HEATR5B: variants seen among roughly 807,000 people sequenced by gnomAD.
HEATR5B encodes the protein HEAT repeat-containing protein 5B.
In HEATR5B, 156 loss-of-function variants were observed where a neutral mutation model predicts 224.1. The ratio of observed to expected loss-of-function variants is 0.70; its 90% CI spans 0.61 to 0.80. The LOEUF is 0.80. HEATR5B is among the 30% of genes least tolerant of loss of function. The pLI is 0.00. For synonymous variants in HEATR5B, 1,027 were observed against 893.0 expected (o/e 1.15, Z -2.68); for missense variants, 2,323 against 2,535.5 (o/e 0.92, Z 1.80).
At chr2:37,001,476 G>A (rs774044615) in intron 32 of HEATR5B, among the ~76,000 whole-genome samples, 1 of 152,028 alleles carries the variant, frequency 6.6e-6, no homozygotes, top group South Asian at 2.1e-4. Context: ...TCCGTGAGTT[G>A]AGCTGAAATT....
intron 18 of HEATR5B, 48 bp downstream of exon 18, chr2:37,049,605 G>C: frequency 1.4e-6 from 2 of 1,460,566 alleles, no homozygotes; most frequent in South Asian, 1.2e-5. Flanking sequence ...TTATTTAAAA[G>C]ACATCTTTGC....
At position 37,065,993 on chromosome 2, in the gene HEATR5B, G is replaced by A. The variant is rs1671565845; in HGVS notation, c.1178-83C>T. On this transcript the variant is annotated intron_variant, in intron 8 of 35. Coordinates refer to ENST00000233099, the MANE Select transcript of HEATR5B (RefSeq NM_019024.3). ...TTGGTCTATACAATTTATGATTTTA[G>A]CCATACCAGTTGATGTCCGAGTGTT... 4 of 1,255,970 alleles carry A rather than the reference G, an allele frequency of 3.2e-6. No individual in the cohort carries two copies. The Admixed American group carries it at 6.8e-5, about 21-fold the overall frequency. 77.8% of individuals were successfully genotyped at this position (1,255,970 alleles called of 1,614,324 possible). A position where few individuals can be genotyped will look rare whatever the true frequency, so the allele number is the denominator to read the frequency against.
In HEATR5B at chr2:37,032,616, T is replaced by A. The variant is rs377742046; in HGVS notation, c.3361+13A>T. On this transcript the variant is annotated intron_variant, in intron 22 of 35. Coordinates refer to ENST00000233099, the MANE Select transcript of HEATR5B (RefSeq NM_019024.3). Reference sequence around the variant, plus strand: ...TTAAACAAAAAACAATATTGACCAATAATATAACTTACTGGCACTACTGCT... The same window carrying A: ...TTAAACAAAAAACAATATTGACCAAAAATATAACTTACTGGCACTACTGCT... 1 of 1,602,306 alleles carries A rather than the reference T, an allele frequency of 6.2e-7. No individual in the cohort carries two copies. Among genetic ancestry groups the A allele is most frequent in the Non-Finnish European group, 8.5e-7 (1 of 1,175,554 alleles).
At chr2:37,071,064 A>C (rs1473834633) in intron 6 of HEATR5B, among the ~76,000 whole-genome samples, 1 of 152,214 alleles carries the variant, frequency 6.6e-6, no homozygotes, top group Non-Finnish European at 1.5e-5. Context: ...AAGGGCTTTT[A>C]TGAGGATTAA....
At chr2:36,985,488 C>T (rs1665887905) in intron 35 of HEATR5B, among the ~76,000 whole-genome samples, 2 of 138,960 alleles carry the variant, frequency 1.4e-5, no homozygotes, top group Admixed American at 7.6e-5. Context: ...GACAGAGTCT[C>T]ACTCTGTTGC....
chr2:36,985,352 C>T (rs907093791), intron 35 of HEATR5B, among the ~76,000 whole-genome samples: 1 of 151,810 alleles, frequency 6.6e-6, no homozygotes, highest in Non-Finnish European at 1.5e-5. Context: ...AGGCAAACTG[C>T]TTATTCTACC....
intron 30 of HEATR5B, among the ~76,000 whole-genome samples, chr2:37,004,287 A>T (rs1291346088): frequency 6.6e-6 from 1 of 151,552 alleles, no homozygotes. Context: ...ATCTGAGGTT[A>T]ATCTTTCCTT....
chr2:37,037,809 T>C, intron 21 of HEATR5B, 46 bp downstream of exon 21: 1 of 1,359,748 alleles, frequency 7.4e-7, no homozygotes, highest in South Asian at 2.1e-5. Flanking sequence ...AAATGTAAAA[T>C]AAAATACAAC....
intron 18 of HEATR5B, among the ~76,000 whole-genome samples, chr2:37,048,494 T>C (rs1356217898): frequency 6.6e-6 from 1 of 150,638 alleles, no homozygotes; most frequent in Non-Finnish European, 1.5e-5. Flanking sequence ...CAAGGACACA[T>C]AAACTAAAAC....
chr2:37,015,195 G>C (rs1668039697), intron 26 of HEATR5B, among the ~76,000 whole-genome samples: 1 of 152,182 alleles, frequency 6.6e-6, no homozygotes, highest in Non-Finnish European at 1.5e-5. Flanking sequence ...ATGAGGAAGA[G>C]ATGTGATTAG....
At chr2:37,072,326 C>T (rs774906836) in intron 5 of HEATR5B, 45 bp from the exon 6 acceptor site, 1 of 1,381,002 alleles carries the variant, frequency 7.2e-7, no homozygotes, top group South Asian at 1.3e-5. Context: ...ATAACATCTG[C>T]TTCCAGAGAT....
intron 18 of HEATR5B, among the ~76,000 whole-genome samples, chr2:37,041,662 C>T (rs1158175783): frequency 6.6e-6 from 1 of 152,082 alleles, no homozygotes; most frequent in Non-Finnish European, 1.5e-5. Flanking sequence ...GAGAGGACTG[C>T]TTGAGCCTGA....
chr2:37,046,190 A>T (rs1558338827), intron 18 of HEATR5B, among the ~76,000 whole-genome samples: 1 of 152,370 alleles, frequency 6.6e-6, no homozygotes, highest in East Asian at 1.9e-4. Context: ...GCACCAATAC[A>T]GTCAATTACT....
chr2:37,044,266 T>C (rs1670050989), intron 18 of HEATR5B, among the ~76,000 whole-genome samples: 1 of 152,182 alleles, frequency 6.6e-6, no homozygotes, highest in African/African-American at 2.4e-5. Context: ...TTAGGTCCCT[T>C]TGTTGTCATA....
Position 37,015,772 on chromosome 2 carries a change from A to C in HEATR5B, c.4105-1752T>G, listed in dbSNP as rs967743319. ...ACTTGTGGAAAGATATTCAGCAGGC[A>C]ATTAAAAACTTGGGTCTGGATTTCA... On this transcript the variant is annotated intron_variant, in intron 26 of 35. Coordinates refer to ENST00000233099, the MANE Select transcript of HEATR5B (RefSeq NM_019024.3). 5.9e-5 allele frequency among the ~76,000 whole-genome samples: 9 copies of C among 152,226 alleles called. No homozygotes were observed. The South Asian group carries it at 1.9e-3, about 31-fold the overall frequency.
intron 29 of HEATR5B, among the ~76,000 whole-genome samples, chr2:37,006,151 T>C (rs1667401139): frequency 6.6e-6 from 1 of 152,236 alleles, no homozygotes; most frequent in Non-Finnish European, 1.5e-5. Context: ...TGGCAAGTTA[T>C]AGAGGCACAA....
Position 37,005,769 on chromosome 2 carries a change from A to G in HEATR5B, c.4778-10T>C. 6.4e-7 allele frequency: 1 copy of G among 1,558,344 alleles called. No homozygotes were observed. Among genetic ancestry groups the G allele is most frequent in the Middle Eastern group, 1.7e-4 (1 of 5,786 alleles). ...AACTGTATACTCACACCTGAAATGC[A>G]CAAAATAAAAACATGTTTTTTCACT... is the stretch of plus-strand genomic sequence containing the variant. On this transcript the variant is annotated splice_polypyrimidine_tract_variant and intron_variant, in intron 29 of 35. Coordinates refer to ENST00000233099, the MANE Select transcript of HEATR5B (RefSeq NM_019024.3).
rs1344876835 is a variant in HEATR5B at position 37,051,974 on chromosome 2, A to G, written c.2505+1528T>C. On this transcript the variant is annotated intron_variant, in intron 17 of 35. Transcript: ENST00000233099. Reference sequence around the variant, plus strand: ...AGGCTGGTCTCAAACTCCTGACCTCAGGTGATCCCCCCGCCTCGGCCTCCC... The same window carrying G: ...AGGCTGGTCTCAAACTCCTGACCTCGGGTGATCCCCCCGCCTCGGCCTCCC... 2.6e-5 allele frequency among the ~76,000 whole-genome samples: 4 copies of G among 152,126 alleles called. No homozygotes were observed. In the East Asian group the frequency reaches 5.8e-4, roughly 22 times the overall value.
In HEATR5B at chr2:37,031,438, T is replaced by C. The variant is rs200664372; in HGVS notation, c.3361+1191A>G. Reference sequence around the variant, plus strand: ...TTTTCTGTTTTTCTTTTCTTTCTTTTTTTTTTTTTTTTTAAAGAGACAGGA... The same window carrying C: ...TTTTCTGTTTTTCTTTTCTTTCTTTCTTTTTTTTTTTTTAAAGAGACAGGA... On this transcript the variant is annotated intron_variant, in intron 22 of 35. Transcript: ENST00000233099. 1.4e-3 allele frequency among the ~76,000 whole-genome samples: 162 copies of C among 119,234 alleles called. 2 individuals are homozygous for C. In the East Asian group the frequency reaches 0.032, roughly 23 times the overall value. The allele number at this position is 119,234 out of a possible 152,430, so 78.2% of individuals were successfully genotyped here. A position where few individuals can be genotyped will look rare whatever the true frequency, so the allele number is the denominator to read the frequency against.
Sources: gnomAD v4.1 joint callset for allele counts (sites outside exome capture counted in the v4.1 genomes callset) on GRCh38, gnomAD v4.1.1 for gene constraint, MANE v1.5 for transcripts, NCBI Gene and HGNC (gene_info 2026-07-23, HGNC 2026-07-21) for gene names.